Variants in LCLAT1 observed in about 807,000 individuals in gnomAD.
LCLAT1 encodes the protein lysocardiolipin acyltransferase 1.
A neutral mutation model predicts 30.7 loss-of-function variants in LCLAT1; 11 were observed. The observed-to-expected ratio is 0.36, with a 90% CI of 0.23 to 0.59. The LOEUF (loss-of-function observed/expected upper bound fraction) is 0.59, where lower values mean the gene tolerates loss of function less well. Ranked by LOEUF, LCLAT1 falls within the 20% of genes least tolerant of loss-of-function variation. LCLAT1 has a pLI of 0.77. For synonymous variants in LCLAT1, 155 were observed against 151.3 expected (o/e 1.02, Z -0.18); for missense variants, 402 against 458.6 (o/e 0.88, Z 1.13).
At chr2:30,460,244 T>C (rs904061166) in intron 1 of LCLAT1, among the ~76,000 whole-genome samples, 15 of 152,186 alleles carry the variant, frequency 9.9e-5, no homozygotes, top group African/African-American at 3.6e-4. Context: ...AGGCTCATGA[T>C]CTCCATCTGC....
intron 5 of LCLAT1, among the ~76,000 whole-genome samples, chr2:30,586,225 G>A (rs985130812): frequency 7.7e-6 from 1 of 129,086 alleles, no homozygotes; most frequent in Non-Finnish European, 1.5e-5. Context: ...CTGGGTGACA[G>A]AGCAAGACTC....
chr2:30,615,373 TTTGA>T (rs1667947824), intron 5 of LCLAT1, among the ~76,000 whole-genome samples: 3 of 152,128 alleles, frequency 2.0e-5, no homozygotes, highest in African/African-American at 7.2e-5. Flanking sequence ...GCAAATTTCT[TTTGA>T]TTGATTTTCT....
chr2:30,633,172 C>A (rs928023970), intron 5 of LCLAT1, among the ~76,000 whole-genome samples: 58 of 152,212 alleles, frequency 3.8e-4, no homozygotes, highest in Middle Eastern at 6.8e-3. Flanking sequence ...TTACTAAATC[C>A]AAGTTTTATC....
intron 5 of LCLAT1, among the ~76,000 whole-genome samples, chr2:30,635,460 A>G (rs999836031): frequency 4.6e-5 from 7 of 151,866 alleles, no homozygotes; most frequent in African/African-American, 1.5e-4. Flanking sequence ...TCCCTTCATC[A>G]CTTTGTCTTT....
intron 1 of LCLAT1, among the ~76,000 whole-genome samples, chr2:30,517,952 C>G (rs989641872): frequency 6.6e-6 from 1 of 152,176 alleles, no homozygotes; most frequent in Non-Finnish European, 1.5e-5. Context: ...CCACTGACAA[C>G]CCGTAGCCTT....
intron 1 of LCLAT1, among the ~76,000 whole-genome samples, chr2:30,471,936 T>C (rs1682815750): frequency 6.6e-6 from 1 of 152,212 alleles, no homozygotes; most frequent in Admixed American, 6.5e-5. Context: ...CCTTGTCTTA[T>C]TCTTGATTTT....
At chr2:30,604,053 T>G in intron 5 of LCLAT1, among the ~76,000 whole-genome samples, 1 of 136,994 alleles carries the variant, frequency 7.3e-6, no homozygotes, top group East Asian at 2.2e-4. Context: ...TACCAAGAAT[T>G]ATGATATAAC....
chr2:30,577,238 G>C (rs75491096), intron 5 of LCLAT1, among the ~76,000 whole-genome samples: 2 of 151,922 alleles, frequency 1.3e-5, no homozygotes, highest in African/African-American at 4.8e-5. Context: ...TTCATTTATC[G>C]TAAGTTGGCT....
intron 1 of LCLAT1, among the ~76,000 whole-genome samples, chr2:30,511,201 T>A (rs1208015444): frequency 6.6e-6 from 1 of 152,158 alleles, no homozygotes; most frequent in Non-Finnish European, 1.5e-5. Context: ...TGTGGGCTGT[T>A]TATTAGGGAA....
intron 1 of LCLAT1, among the ~76,000 whole-genome samples, chr2:30,457,079 T>A (rs1681873767): frequency 1.3e-5 from 2 of 152,340 alleles, no homozygotes; most frequent in African/African-American, 4.8e-5. Flanking sequence ...AACCAAACTC[T>A]CTTTAGTTTT....
At chr2:30,552,899 G>A (rs1306183059) in intron 3 of LCLAT1, among the ~76,000 whole-genome samples, 1 of 152,172 alleles carries the variant, frequency 6.6e-6, no homozygotes, top group Non-Finnish European at 1.5e-5. Context: ...AGGCCTATGG[G>A]TAGCATTTCT....
At chr2:30,545,742 A>G (rs896021216) in intron 3 of LCLAT1, among the ~76,000 whole-genome samples, 1 of 152,200 alleles carries the variant, frequency 6.6e-6, no homozygotes, top group African/African-American at 2.4e-5. Flanking sequence ...GTGAAATGAA[A>G]TATTAAACTT....
At chr2:30,518,652 G>A (rs1369210039) in intron 1 of LCLAT1, among the ~76,000 whole-genome samples, 1 of 152,196 alleles carries the variant, frequency 6.6e-6, no homozygotes, top group Non-Finnish European at 1.5e-5. Flanking sequence ...TGAGGCCGTT[G>A]TCCCTCTATA....
At chr2:30,454,574 C>T (rs1321905854) in intron 1 of LCLAT1, among the ~76,000 whole-genome samples, 1 of 152,018 alleles carries the variant, frequency 6.6e-6, no homozygotes. Flanking sequence ...TCTCAAGCTT[C>T]CCAGAGTAGC....
At chr2:30,469,964 C>T in intron 1 of LCLAT1, among the ~76,000 whole-genome samples, 1 of 152,136 alleles carries the variant, frequency 6.6e-6, no homozygotes. Flanking sequence ...CTTCTGGCCT[C>T]AAGTGATCCA....
intron 3 of LCLAT1, among the ~76,000 whole-genome samples, chr2:30,547,432 C>T (rs916464992): frequency 1.3e-5 from 2 of 152,168 alleles, no homozygotes; most frequent in African/African-American, 4.8e-5. Flanking sequence ...CAGTGAACCA[C>T]TGTGATGCAC....
At position 30,640,325 on chromosome 2, in the gene LCLAT1, C is replaced by T. The variant is rs766678762; in HGVS notation, c.837C>T (p.Ser279=). 33 of 1,614,052 alleles carry T rather than the reference C, an allele frequency of 2.0e-5. No homozygotes were observed. In the African/African-American group the frequency reaches 3.6e-4, roughly 18 times the overall value. Residue 279 remains serine, a synonymous_variant, in exon 6 of 6, where the codon TCC becomes TCT. Coordinates refer to ENST00000379509, the MANE Select transcript of LCLAT1 (RefSeq NM_001002257.3). ...AAGAGAAAGAAGAGAGGCTGCGTTC[C>T]TTCTATCAAGGGGAGAAGAATTTTT... ...RWEEKEERLR[S]FYQGEKNFYF...
At chr2:30,507,472 C>T (rs1287982270) in intron 1 of LCLAT1, among the ~76,000 whole-genome samples, 3 of 152,106 alleles carry the variant, frequency 2.0e-5, no homozygotes, top group Admixed American at 6.6e-5. Flanking sequence ...TTGACTCCCA[C>T]CCTCTACCCT....
chr2:30,614,740 A>G (rs72863010), intron 5 of LCLAT1, among the ~76,000 whole-genome samples: 2,016 of 152,294 alleles, frequency 0.013, 36 homozygotes, highest in African/African-American at 0.046. Context: ...CACATATGAT[A>G]TTTAAAGCTG....
Sources: gnomAD v4.1 joint callset for allele counts (sites outside exome capture counted in the v4.1 genomes callset) on GRCh38, gnomAD v4.1.1 for gene constraint, MANE v1.5 for transcripts, NCBI Gene and HGNC (gene_info 2026-07-23, HGNC 2026-07-21) for gene names.